ARHGAP10: variants seen among roughly 807,000 people sequenced by gnomAD.
The protein encoded by ARHGAP10 is Rho GTPase activating protein 10.
Under a neutral mutation model 108.6 loss-of-function variants are expected in ARHGAP10, and 87 were observed. The observed-to-expected ratio is 0.80, with a 90% CI of 0.67 to 0.96. The LOEUF (loss-of-function observed/expected upper bound fraction) is 0.96. Among genes scored for constraint, ARHGAP10 ranks in the 40% least tolerant of loss-of-function variants. The probability of loss-of-function intolerance (pLI) is 0.00; values close to 1 mark genes in which losing one functional copy is unlikely to be tolerated. For missense variants in ARHGAP10, 939 were observed against 954.5 expected, an observed-to-expected ratio of 0.98 and a Z score of 0.21; for synonymous variants, 347 against 341.1, an observed-to-expected ratio of 1.02 and a Z score of -0.19.
intron 4 of ARHGAP10, among the ~76,000 whole-genome samples, chr4:147,850,553 G>A (rs192972069): frequency 3.9e-5 from 6 of 152,186 alleles, no homozygotes; most frequent in Middle Eastern, 3.4e-3. Context: ...AAAGGTCTGC[G>A]GCTTCACTCC....
intron 4 of ARHGAP10, among the ~76,000 whole-genome samples, chr4:147,851,255 A>AT (rs34340295): frequency 1.5e-3 from 218 of 148,592 alleles, no homozygotes; most frequent in African/African-American, 4.8e-3. Context: ...ATGACTAATA[A>AT]TTTTTTTTTT....
intron 1 of ARHGAP10, among the ~76,000 whole-genome samples, chr4:147,772,397 CT>C (rs1181741714): frequency 3.3e-5 from 5 of 152,084 alleles, no homozygotes; most frequent in South Asian, 2.1e-4. Context: ...AGTTTTTTAT[CT>C]TTTTTTTAAG....
intron 8 of ARHGAP10, among the ~76,000 whole-genome samples, chr4:147,876,185 C>T (rs973515722): frequency 6.6e-6 from 1 of 152,192 alleles, no homozygotes; most frequent in African/African-American, 2.4e-5. Flanking sequence ...TCTGGAATCT[C>T]GCAGCCTTCA....
intron 1 of ARHGAP10, among the ~76,000 whole-genome samples, chr4:147,767,142 C>T (rs974527420): frequency 3.3e-5 from 5 of 152,036 alleles, no homozygotes; most frequent in Non-Finnish European, 5.9e-5. Flanking sequence ...TGAGCCACCG[C>T]GCCCAGTCTA....
intron 13 of ARHGAP10, among the ~76,000 whole-genome samples, chr4:147,932,405 G>A (rs975175299): frequency 4.6e-5 from 7 of 152,050 alleles, no homozygotes; most frequent in Non-Finnish European, 1.0e-4. Context: ...CAACCCAAAT[G>A]CCCATCAATG....
Position 147,764,002 on chromosome 4 carries a change from G to A in ARHGAP10, c.154+31547G>A, listed in dbSNP as rs147492211. On this transcript the variant is annotated intron_variant, in intron 1 of 22. Transcript: ENST00000336498. ...ACTCCTGACCTCGGGTGATCTGCCT[G>A]CCTCGGCCTCCTAAAGTCCTGGGAT... 3.7e-3 allele frequency among the ~76,000 whole-genome samples: 566 copies of A among 152,208 alleles called. 6 individuals carry two copies. Among genetic ancestry groups the A allele is most frequent in the African/African-American group, 0.013 (530 of 41,540 alleles).
At chr4:147,888,503 T>C (rs901093587) in intron 10 of ARHGAP10, among the ~76,000 whole-genome samples, 1 of 152,320 alleles carries the variant, frequency 6.6e-6, no homozygotes, top group Middle Eastern at 3.4e-3. Flanking sequence ...AATACTAATA[T>C]GTAAATCTTT....
At chr4:147,927,248 G>A (rs762919144) in intron 13 of ARHGAP10, among the ~76,000 whole-genome samples, 4 of 152,170 alleles carry the variant, frequency 2.6e-5, no homozygotes, top group Non-Finnish European at 4.4e-5. Context: ...GAAGATTTAA[G>A]TATCACCCAC....
At chr4:147,873,681 A>AAAACACACACACACACAC (rs749604498) in intron 7 of ARHGAP10, among the ~76,000 whole-genome samples, 2 of 98,720 alleles carry the variant, frequency 2.0e-5, no homozygotes, top group African/African-American at 7.2e-5. Context: ...CAAAAAACAA[A>AAAACACACACACACACAC]ACACACACAC....
rs546037389 is a variant in ARHGAP10, at chr4:147,904,320, G to A, written c.1035-2318G>A. Among the ~76,000 whole-genome samples, 4 of 152,136 alleles carry A rather than the reference G, an allele frequency of 2.6e-5. No homozygotes were observed. The South Asian group carries it at 6.3e-4, about 24-fold the overall frequency. ...ATATGTATACACGTGCCATGCTGGT[G>A]TGCTGCATCCATTAACTCGTCATTT... On this transcript the variant is annotated intron_variant, in intron 10 of 22. Transcript: ENST00000336498.
chr4:147,970,295 T>C (rs959920398), intron 18 of ARHGAP10, among the ~76,000 whole-genome samples: 3 of 152,070 alleles, frequency 2.0e-5, no homozygotes, highest in Admixed American at 2.0e-4. Context: ...AACATTTGAC[T>C]GTAGAGTGGG....
intron 1 of ARHGAP10, among the ~76,000 whole-genome samples, chr4:147,748,539 G>T (rs1268233692): frequency 6.6e-6 from 1 of 152,166 alleles, no homozygotes; most frequent in Non-Finnish European, 1.5e-5. Context: ...AAAGGGAAAA[G>T]AAAACAAAAA....
intron 1 of ARHGAP10, chr4:147,782,783 T>C (rs1395153886): frequency 6.7e-6 from 1 of 150,274 alleles, no homozygotes; most frequent in Non-Finnish European, 1.5e-5. Context: ...TCCTGGTTAG[T>C]TTGACAGCAT....
chr4:147,977,868 A>G (rs909647453), intron 18 of ARHGAP10, among the ~76,000 whole-genome samples: 18 of 151,454 alleles, frequency 1.2e-4, no homozygotes, highest in African/African-American at 4.4e-4. Flanking sequence ...ATATCTGTGT[A>G]AACCCAAGAT....
At chr4:147,794,779 T>C (rs1394529523) in intron 1 of ARHGAP10, among the ~76,000 whole-genome samples, 1 of 152,246 alleles carries the variant, frequency 6.6e-6, no homozygotes, top group East Asian at 1.9e-4. Flanking sequence ...GATCATGCAG[T>C]AACAAACATG....
intron 16 of ARHGAP10, among the ~76,000 whole-genome samples, chr4:147,959,267 G>T (rs927701078): frequency 1.3e-5 from 2 of 151,848 alleles, no homozygotes; most frequent in African/African-American, 4.8e-5. Context: ...GAGGGAAAAA[G>T]ACTTGGCAGA....
chr4:147,872,662 T>G (rs1230505283), intron 7 of ARHGAP10, among the ~76,000 whole-genome samples: 1 of 152,200 alleles, frequency 6.6e-6, no homozygotes, highest in Non-Finnish European at 1.5e-5. Flanking sequence ...GTTCTATGTA[T>G]GATATACTGT....
At chr4:147,797,335 C>G (rs1731356814) in intron 1 of ARHGAP10, among the ~76,000 whole-genome samples, 1 of 152,142 alleles carries the variant, frequency 6.6e-6, no homozygotes, top group Non-Finnish European at 1.5e-5. Flanking sequence ...ATGTTCCTCA[C>G]CCTTCCACTG....
intron 18 of ARHGAP10, among the ~76,000 whole-genome samples, chr4:148,012,585 GGTT>G (rs1161092013): frequency 2.6e-5 from 4 of 151,994 alleles, no homozygotes; most frequent in Non-Finnish European, 5.9e-5. Context: ...GAAACATTTC[GGTT>G]GGATGGTAAG....
Sources: gnomAD v4.1 joint callset for allele counts (sites outside exome capture counted in the v4.1 genomes callset) on GRCh38, gnomAD v4.1.1 for gene constraint, MANE v1.5 for transcripts, NCBI Gene and HGNC (gene_info 2026-07-23, HGNC 2026-07-21) for gene names.